KIF13A: variants seen among roughly 807,000 people sequenced by gnomAD.
The protein encoded by KIF13A is kinesin-like protein KIF13A.
In KIF13A, 79 loss-of-function variants were observed where a neutral mutation model predicts 212.2. The observed-to-expected ratio is 0.37, with a 90% CI of 0.31 to 0.45. The LOEUF is 0.45. Ranked by LOEUF, KIF13A falls within the 20% of genes least tolerant of loss-of-function variation. The probability of loss-of-function intolerance (pLI) is 1.00; values close to 1 mark genes in which losing one functional copy is unlikely to be tolerated. For missense variants in KIF13A, 1,901 were observed against 2,209.0 expected (o/e 0.86, Z 2.79); for synonymous variants, 789 against 808.6 (o/e 0.98, Z 0.41).
intron 35 of KIF13A, among the ~76,000 whole-genome samples, chr6:17,774,397 AAC>A (rs1232285783): frequency 6.6e-6 from 1 of 152,176 alleles, no homozygotes; most frequent in Non-Finnish European, 1.5e-5. Context: ...TAAACCCATA[AAC>A]ACACAGATAT....
At chr6:17,866,447 T>A (rs1769377834) in intron 4 of KIF13A, among the ~76,000 whole-genome samples, 1 of 152,028 alleles carries the variant, frequency 6.6e-6, no homozygotes, top group Non-Finnish European at 1.5e-5. Context: ...TCCATAAAAT[T>A]TTCACCAGCA....
At chr6:17,779,258 T>TATATATATATAC (rs930789162) in intron 32 of KIF13A, among the ~76,000 whole-genome samples, 159 bp from the exon 33 acceptor site, 7 of 6,366 alleles carry the variant, frequency 1.1e-3, no homozygotes, top group Non-Finnish European at 1.6e-3. Context: ...TATATATATA[T>TATATATATATAC]TTTTTTTTTT....
chr6:17,773,366 A>C lies in KIF13A; in HGVS notation c.4324+112T>G. 1 of 572,848 alleles carries C rather than the reference A, an allele frequency of 1.7e-6. No homozygotes were observed. Among genetic ancestry groups the C allele is most frequent in the Non-Finnish European group, 3.1e-6 (1 of 321,936 alleles). The allele number at this position is 572,848 out of a possible 1,614,324, so 35.5% of individuals were successfully genotyped here. On this transcript the variant is annotated intron_variant, in intron 36 of 38. Coordinates refer to ENST00000259711, the MANE Select transcript of KIF13A (RefSeq NM_022113.6). This position sits in a 1 kb window ranked among gnomAD's most constrained non-coding sequence, Gnocchi z 4.2. ...AATAACAGTTTTGTATCATCTAGTT[A>C]ACTAGAATATCAGCTTCATATCTTA...
At chr6:17,901,528 A>G (rs930684473) in intron 2 of KIF13A, among the ~76,000 whole-genome samples, 2 of 152,196 alleles carry the variant, frequency 1.3e-5, no homozygotes, top group Non-Finnish European at 2.9e-5. Context: ...AGCATTAGTT[A>G]TATAATCAAG....
chr6:17,784,173 A>G (rs1055280713), intron 28 of KIF13A, among the ~76,000 whole-genome samples: 6 of 152,188 alleles, frequency 3.9e-5, no homozygotes, highest in Admixed American at 3.9e-4. Context: ...TAATCCCAGC[A>G]CTTTGGGAGG....
At chr6:17,917,710 G>A (rs1774668154) in intron 2 of KIF13A, among the ~76,000 whole-genome samples, 1 of 152,134 alleles carries the variant, frequency 6.6e-6, no homozygotes, top group Admixed American at 6.5e-5. Context: ...TAACAACGTA[G>A]CTAACTTTGC....
At chr6:17,842,948 T>C (rs1352236458) in intron 9 of KIF13A, among the ~76,000 whole-genome samples, 1 of 152,112 alleles carries the variant, frequency 6.6e-6, no homozygotes, top group Non-Finnish European at 1.5e-5. Context: ...GGAGTGGATA[T>C]GATGTACATA....
In KIF13A at chr6:17,776,346, C is replaced by T. The variant is rs1328071100; in HGVS notation, c.4170+931G>A. On this transcript the variant is annotated intron_variant, in intron 34 of 38. Transcript: ENST00000259711. The surrounding 1 kb of genome is among the most constrained non-coding windows in gnomAD (Gnocchi z 4.6). Reference sequence around the variant, plus strand: ...ATTTAGGGCTAATAATTTCTAGGTACCACTTTAGCTGCATTGCACAAACAC... The same window carrying T: ...ATTTAGGGCTAATAATTTCTAGGTATCACTTTAGCTGCATTGCACAAACAC... 3.9e-5 allele frequency among the ~76,000 whole-genome samples: 6 copies of T among 152,124 alleles called. No homozygotes were observed. The highest frequency in any genetic ancestry group is 8.8e-5 in the Non-Finnish European group (6 of 68,030).
chr6:17,837,393 GCTTTGTACAC>G lies in KIF13A; in HGVS notation c.942+69_942+78del. 2 of 963,858 alleles carry G rather than the reference GCTTTGTACAC, an allele frequency of 2.1e-6. No homozygotes were observed. The highest frequency in any genetic ancestry group is 3.2e-6 in the Non-Finnish European group (2 of 621,694). The allele number at this position is 963,858 out of a possible 1,614,324, so 59.7% of individuals were successfully genotyped here. A position where few individuals can be genotyped will look rare whatever the true frequency, so the allele number is the denominator to read the frequency against. On this transcript the variant is annotated intron_variant, in intron 10 of 38. Coordinates refer to ENST00000259711, the MANE Select transcript of KIF13A (RefSeq NM_022113.6). The surrounding 1 kb of genome is among the most constrained non-coding windows in gnomAD (Gnocchi z 5.4). Reference sequence around the variant, plus strand: ...GGAGAGTTCTTTAGGTATTTGGTTAGCTTTGTACACACCTTTACTCTGTCACATCTGGAAT... The same window carrying G: ...GGAGAGTTCTTTAGGTATTTGGTTAGACCTTTACTCTGTCACATCTGGAAT...
Position 17,789,227 on chromosome 6 carries a change from A to G in KIF13A, c.3261+645T>C, listed in dbSNP as rs1011615438. Among the ~76,000 whole-genome samples the G allele has an allele frequency of 6.6e-6, 1 of 152,206 alleles. No homozygotes were observed. Among genetic ancestry groups the G allele is most frequent in the African/African-American group, 2.4e-5 (1 of 41,460 alleles). On this transcript the variant is annotated intron_variant, in intron 26 of 38. Transcript: ENST00000259711. The surrounding 1 kb of genome is among the most constrained non-coding windows in gnomAD (Gnocchi z 4.8). ...GTACAATCTCAATTTGCACATCTAT[A>G]TATTTTTTCTAGATTCCCAACCAGA...
intron 9 of KIF13A, among the ~76,000 whole-genome samples, chr6:17,840,624 C>T (rs909931758): frequency 6.6e-6 from 1 of 152,110 alleles, no homozygotes; most frequent in East Asian, 1.9e-4. Context: ...CTTTCCTCTA[C>T]TTTGTGGCAA....
intron 4 of KIF13A, among the ~76,000 whole-genome samples, chr6:17,863,579 A>G (rs988866315): frequency 6.6e-6 from 1 of 152,082 alleles, no homozygotes; most frequent in Non-Finnish European, 1.5e-5. Context: ...CTGGTATAGG[A>G]AAAAGAACGA....
At chr6:17,958,468 T>C (rs982406087) in intron 2 of KIF13A, among the ~76,000 whole-genome samples, 4 of 152,192 alleles carry the variant, frequency 2.6e-5, no homozygotes, top group Admixed American at 6.5e-5. Context: ...CTAAGTAAAA[T>C]ATCTATAAAT....
At position 17,771,789 on chromosome 6, in the gene KIF13A, C is replaced by G; in HGVS notation, c.4476+119G>C. ...GAAAGAGGAATTCGAGAACGGGAACCATGGAGTGATGACCGTGCATGTCCA... is the reference window on the plus strand; with the variant it reads ...GAAAGAGGAATTCGAGAACGGGAACGATGGAGTGATGACCGTGCATGTCCA... On this transcript the variant is annotated intron_variant, in intron 37 of 38. Coordinates refer to ENST00000259711, the MANE Select transcript of KIF13A (RefSeq NM_022113.6). This position sits in a 1 kb window ranked among gnomAD's most constrained non-coding sequence, Gnocchi z 5.4. 1 of 868,524 alleles carries G rather than the reference C, an allele frequency of 1.2e-6. No homozygotes were observed. Among genetic ancestry groups the G allele is most frequent in the Non-Finnish European group, 1.8e-6 (1 of 550,332 alleles). 53.8% of individuals were successfully genotyped at this position (868,524 alleles called of 1,614,324 possible).
chr6:17,775,157 G>A (rs1759838750), intron 34 of KIF13A, 95 bp from the exon 35 acceptor site: 2 of 962,234 alleles, frequency 2.1e-6, no homozygotes, highest in African/African-American at 1.7e-5. Context: ...GTTGAAGCCT[G>A]CAGTCTTCAT....
chr6:17,845,267 T>C lies in KIF13A; in HGVS notation c.830+4110A>G, dbSNP rs112013647. On this transcript the variant is annotated intron_variant, in intron 9 of 38. Transcript: ENST00000259711. ...TCCCTCCCACAACACGTGGTAATTA[T>C]GGAAGCTACAATTCAAGATGAGATT... Among the ~76,000 whole-genome samples the C allele has an allele frequency of 5.2e-3, 785 of 152,212 alleles. 7 individuals carry two copies. Among genetic ancestry groups the C allele is most frequent in the African/African-American group, 0.018 (743 of 41,526 alleles).
rs1307703104 is a variant in KIF13A at position 17,897,192 on chromosome 6, T to A, written c.159+976A>T. On this transcript the variant is annotated intron_variant, in intron 3 of 38. Coordinates refer to ENST00000259711, the MANE Select transcript of KIF13A (RefSeq NM_022113.6). The surrounding 1 kb of genome is among the most constrained non-coding windows in gnomAD (Gnocchi z 4.8). ...ACAGCAGCATTTTAATGGGTTTCCATAATCCAAGAGCTAAGATGGATTGTT... is the reference window on the plus strand; with the variant it reads ...ACAGCAGCATTTTAATGGGTTTCCAAAATCCAAGAGCTAAGATGGATTGTT... Among the ~76,000 whole-genome samples, 1 of 152,212 alleles carries A rather than the reference T, an allele frequency of 6.6e-6. No homozygotes were observed. Among genetic ancestry groups the A allele is most frequent in the African/African-American group, 2.4e-5 (1 of 41,446 alleles).
Position 17,764,443 on chromosome 6 carries a change from C to A in KIF13A, c.5085G>T (p.Arg1695Ser). 1 of 1,613,980 alleles carries A rather than the reference C, an allele frequency of 6.2e-7. No homozygotes were observed. Among genetic ancestry groups the A allele is most frequent in the Non-Finnish European group, 8.5e-7 (1 of 1,179,898 alleles). ...CATCTAGTTCTGAACATGAGCCAGT[C>A]CTGCACAGTGATTTGGAGTTTTTCT... The part of the protein sequence containing the change: ...IPEKNSKSLC[R>S]TGSCSELDAC... The change falls in exon 39 of 39, where the codon AGG becomes AGT. Residue 1695 changes from arginine (R) to serine (S), a missense_variant. Arg to Ser is a moderately radical substitution (Grantham distance 110, BLOSUM62 -1). Transcript: ENST00000259711. This position sits in a 1 kb window ranked among gnomAD's most constrained non-coding sequence, Gnocchi z 5.1.
At chr6:17,796,570 AT>A (rs1762055884) in intron 23 of KIF13A, 98 bp downstream of exon 23, 2 of 684,470 alleles carry the variant, frequency 2.9e-6, no homozygotes, top group Admixed American at 4.0e-5. Flanking sequence ...AAATGATTTT[AT>A]TTTTTTATAA....
Sources: gnomAD v4.1 joint callset for allele counts (sites outside exome capture counted in the v4.1 genomes callset) on GRCh38, gnomAD v4.1.1 for gene constraint, Gnocchi (gnomAD v3.1) non-coding constraint, MANE v1.5 for transcripts, NCBI Gene and HGNC (gene_info 2026-07-23, HGNC 2026-07-21) for gene names.